EVC: variants seen among roughly 807,000 people sequenced by gnomAD.
EVC encodes EvC ciliary complex subunit 1, also known as evC complex member EVC.
In EVC, 116 loss-of-function variants were observed where a neutral mutation model predicts 118.9. That is an observed-to-expected ratio of 0.98 (90% confidence interval 0.84 to 1.14). The LOEUF (loss-of-function observed/expected upper bound fraction) is 1.14. Among genes scored for constraint, EVC ranks in the 50% most tolerant of loss-of-function variants. The probability of loss-of-function intolerance (pLI) is 0.00; values close to 1 mark genes in which losing one functional copy is unlikely to be tolerated. For missense variants in EVC, 1,401 were observed against 1,246.4 expected (o/e 1.12, Z -1.87); for synonymous variants, 619 against 534.7 (o/e 1.16, Z -2.18).
chr4:5,806,543 G>A (rs1173364800), intron 17 of EVC, among the ~76,000 whole-genome samples: 1 of 152,074 alleles, frequency 6.6e-6, no homozygotes. Flanking sequence ...TTATGGCTGA[G>A]TAGTATTCCA....
At chr4:5,730,493 A>T (rs1726616572) in intron 3 of EVC, among the ~76,000 whole-genome samples, 1 of 152,020 alleles carries the variant, frequency 6.6e-6, no homozygotes, top group Non-Finnish European at 1.5e-5. Flanking sequence ...GGGTGGGTGG[A>T]TGAAGGGCAT....
chr4:5,828,832 C>A, the EVC span, among the ~76,000 whole-genome samples: 1 of 152,090 alleles, frequency 6.6e-6, no homozygotes, highest in African/African-American at 2.4e-5. Context: ...GTATGGTCCA[C>A]AGTGTATATA....
rs545256156 is a variant in EVC at position 5,802,081 on chromosome 4, G to C, written c.2436G>C (p.Leu812=). 4 of 1,610,824 alleles carry C rather than the reference G, an allele frequency of 2.5e-6. No individual in the cohort carries two copies. The South Asian group carries it at 3.3e-5, about 13-fold the overall frequency. Residue 812 remains leucine, a synonymous_variant, in exon 16 of 21, where the codon CTG becomes CTC. Transcript: ENST00000264956. ...EDHEERKLQH[L]KTLQGERMEN... ...ACGAGGAGAGAAAACTGCAGCACCT[G>C]AAGACCCTGCAGGGTACGGGACCCC...
At chr4:5,780,468 GATA>G (rs1169210469) in intron 11 of EVC, among the ~76,000 whole-genome samples, 2 of 152,036 alleles carry the variant, frequency 1.3e-5, no homozygotes, top group East Asian at 1.9e-4. Flanking sequence ...TTTGTAAAAT[GATA>G]ATAATTATAA....
chr4:5,801,692 A>T, intron 15 of EVC: 2 of 385,808 alleles, frequency 5.2e-6, no homozygotes, highest in Non-Finnish European at 9.6e-6. Context: ...AAAAAAAAAA[A>T]GATGCGGGGA....
At chr4:5,748,837 T>C (rs1005640946) in intron 8 of EVC, among the ~76,000 whole-genome samples, 2 of 152,042 alleles carry the variant, frequency 1.3e-5, no homozygotes, top group Non-Finnish European at 2.9e-5. Flanking sequence ...TCTGGCCAGC[T>C]CAGTATTACT....
chr4:5,815,696 A>G (rs754268784), downstream of EVC, among the ~76,000 whole-genome samples: 1 of 152,132 alleles, frequency 6.6e-6, no homozygotes, highest in Non-Finnish European at 1.5e-5. Context: ...GAGGAGTGGG[A>G]GATGGGATTA....
intron 11 of EVC, among the ~76,000 whole-genome samples, chr4:5,782,419 G>A (rs1169853192): frequency 2.1e-4 from 26 of 121,828 alleles, no homozygotes; most frequent in Non-Finnish European, 3.3e-4. Flanking sequence ...TTTTTGAGAC[G>A]GAGTCTCTCT....
chr4:5,806,270 TG>T (rs1202656489), intron 17 of EVC, among the ~76,000 whole-genome samples: 4 of 151,756 alleles, frequency 2.6e-5, no homozygotes, highest in Non-Finnish European at 4.4e-5. Flanking sequence ...TTAGTAGAGA[TG>T]GGGTTTTACC....
intron 12 of EVC, among the ~76,000 whole-genome samples, chr4:5,786,462 C>A (rs761925943): frequency 1.3e-5 from 2 of 152,184 alleles, no homozygotes; most frequent in Non-Finnish European, 2.9e-5. Context: ...GTTTTGCATG[C>A]AGGAAGCAAG....
chr4:5,742,952 T>C lies in EVC; in HGVS notation c.801+1138T>C, dbSNP rs1041214739. Among the ~76,000 whole-genome samples, 1 of 152,216 alleles carries C rather than the reference T, an allele frequency of 6.6e-6. No individual in the cohort carries two copies. The highest frequency in any genetic ancestry group is 1.5e-5 in the Non-Finnish European group (1 of 68,046). On this transcript the variant is annotated intron_variant, in intron 6 of 20. Transcript: ENST00000264956. The surrounding 1 kb of genome is among the most constrained non-coding windows in gnomAD (Gnocchi z 5.2). ...CAGTGTGCCCAGAGTTGGTAACATA[T>C]GGATGCTTGGCAACTGTATTTATAC...
At chr4:5,819,397 G>C in the EVC span, among the ~76,000 whole-genome samples, 1 of 152,200 alleles carries the variant, frequency 6.6e-6, no homozygotes, top group Admixed American at 6.5e-5. Context: ...AGAGGTAAAA[G>C]GAAGTCACAT....
chr4:5,752,913 G>T lies in EVC; in HGVS notation c.1176G>T (p.Glu392Asp), dbSNP rs752626166. Reference protein sequence around the residue: ...IEFLKLQVQEETRCRLAAISH... With the variant: ...IEFLKLQVQEDTRCRLAAISH... ...TTCTGAAGCTGCAAGTCCAGGAGGAGACCAGGTGCCGGCTGGCTGCCATCT... is the reference window on the plus strand; with the variant it reads ...TTCTGAAGCTGCAAGTCCAGGAGGATACCAGGTGCCGGCTGGCTGCCATCT... The change falls in exon 9 of 21, where the codon GAG becomes GAT. Residue 392 changes from glutamate (E) to aspartate (D), a missense_variant. By Grantham distance (45) the Glu-to-Asp change is conservative (BLOSUM62 2). Coordinates refer to ENST00000264956, the MANE Select transcript of EVC (RefSeq NM_153717.3). 6.2e-7 allele frequency: 1 copy of T among 1,614,230 alleles called. No individual in the cohort carries two copies. The highest frequency in any genetic ancestry group is 8.5e-7 in the Non-Finnish European group (1 of 1,180,040).
Position 5,798,745 on chromosome 4 carries a change from C to A in EVC, c.2257C>A (p.Arg753=). The A allele has an allele frequency of 1.9e-6, 3 of 1,611,134 alleles. No homozygotes were observed. Among genetic ancestry groups the A allele is most frequent in the Non-Finnish European group, 2.5e-6 (3 of 1,179,940 alleles). ...TGGGCAGGCGCTGCTGGTGCATGCA[C>A]GGAATGCAGCCACCAAGAGCCGGGC... ...AIGQALLVHA[R]NAATKSRAKD... is the part of the protein sequence containing the mutation. Residue 753 remains arginine (R), a synonymous_variant, in exon 15 of 21, where the codon CGG becomes AGG. Coordinates refer to ENST00000264956, the MANE Select transcript of EVC (RefSeq NM_153717.3). This position sits in a 1 kb window ranked among gnomAD's most constrained non-coding sequence, Gnocchi z 4.1.
rs538625726 is a variant in EVC at position 5,754,061 on chromosome 4, C to T, written c.1464+128C>T. On this transcript the variant is annotated intron_variant, in intron 10 of 20. Coordinates refer to ENST00000264956, the MANE Select transcript of EVC (RefSeq NM_153717.3). This position sits in a 1 kb window ranked among gnomAD's most constrained non-coding sequence, Gnocchi z 5.8. ...ATCTGCCTACTTCCCATGTGTCAGCCGAGTGACCGAATCTCAGTCCCTTAG... is the reference window on the plus strand; with the variant it reads ...ATCTGCCTACTTCCCATGTGTCAGCTGAGTGACCGAATCTCAGTCCCTTAG... 7.4e-6 allele frequency: 9 copies of T among 1,217,796 alleles called. 1 individual carries two copies. The highest frequency in any genetic ancestry group is 5.1e-5 in the South Asian group (4 of 78,682). 75.4% of individuals were successfully genotyped at this position (1,217,796 alleles called of 1,614,324 possible).
intron 1 of EVC, among the ~76,000 whole-genome samples, chr4:5,713,862 C>T (rs913980706): frequency 6.6e-5 from 10 of 152,098 alleles, no homozygotes; most frequent in African/African-American, 2.4e-4. Flanking sequence ...AAGATCATGC[C>T]ATTGCACTCC....
At position 5,756,841 on chromosome 4, in the gene EVC, A is replaced by G. The variant is rs1186755527; in HGVS notation, c.1563+479A>G. ...TTGCCCTGCAGGGTGACTTTCAGAG[A>G]GCAGGAGAGGGCACCTGAGCCCTCT... On this transcript the variant is annotated intron_variant, in intron 11 of 20. Transcript: ENST00000264956. This position sits in a 1 kb window ranked among gnomAD's most constrained non-coding sequence, Gnocchi z 4.2. 2.0e-5 allele frequency among the ~76,000 whole-genome samples: 3 copies of G among 152,216 alleles called. No individual in the cohort carries two copies. In the East Asian group the frequency reaches 5.8e-4, roughly 30 times the overall value.
chr4:5,726,445 G>T (rs1725821245), intron 2 of EVC, among the ~76,000 whole-genome samples: 1 of 152,154 alleles, frequency 6.6e-6, no homozygotes, highest in African/African-American at 2.4e-5. Context: ...TATAGGGCAG[G>T]CCATGGATAA....
At position 5,754,028 on chromosome 4, in the gene EVC, A is replaced by C; in HGVS notation, c.1464+95A>C. Reference sequence around the variant, plus strand: ...GGGACGCCGGAGGTATTCATCAGGCATGAGGTTATCTGCCTACTTCCCATG... The same window carrying C: ...GGGACGCCGGAGGTATTCATCAGGCCTGAGGTTATCTGCCTACTTCCCATG... On this transcript the variant is annotated intron_variant, in intron 10 of 20. Transcript: ENST00000264956. The surrounding 1 kb of genome is among the most constrained non-coding windows in gnomAD (Gnocchi z 5.8). 6.6e-7 allele frequency: 1 copy of C among 1,524,076 alleles called. No individual in the cohort carries two copies. Among genetic ancestry groups the C allele is most frequent in the Non-Finnish European group, 9.1e-7 (1 of 1,104,504 alleles). The allele number at this position is 1,524,076 out of a possible 1,614,324, so 94.4% of individuals were successfully genotyped here.
Sources: allele counts gnomAD v4.1 joint callset (sites outside exome capture counted in the v4.1 genomes callset), GRCh38; gene constraint gnomAD v4.1.1; non-coding constraint Gnocchi (gnomAD v3.1); transcripts MANE v1.5; gene names NCBI Gene and HGNC (gene_info 2026-07-23, HGNC 2026-07-21).